Variants in NRG3 observed in about 807,000 individuals in gnomAD.
The protein encoded by NRG3 is pro-neuregulin-3, membrane-bound isoform.
NRG3 carries 31 observed loss-of-function variants against 66.9 expected under a neutral mutation model. The ratio of observed to expected loss-of-function variants is 0.46; its 90% CI spans 0.35 to 0.63. The LOEUF (loss-of-function observed/expected upper bound fraction) is 0.63, where lower values mean the gene tolerates loss of function less well. Among genes scored for constraint, NRG3 ranks in the 20% least tolerant of loss-of-function variants. NRG3 has a pLI of 0.00. For missense variants in NRG3, 910 were observed against 878.9 expected (o/e 1.04, Z -0.45); for synonymous variants, 393 against 359.4 (o/e 1.09, Z -1.06).
intron 1 of NRG3, among the ~76,000 whole-genome samples, chr10:82,187,041 T>A (rs942833563): frequency 1.3e-5 from 2 of 152,180 alleles, no homozygotes; most frequent in African/African-American, 4.8e-5. Context: ...ACCCAAAAAC[T>A]GGAGGAGACT....
chr10:82,656,725 C>T (rs2051890655), intron 2 of NRG3, among the ~76,000 whole-genome samples: 1 of 152,122 alleles, frequency 6.6e-6, no homozygotes, highest in East Asian at 1.9e-4. Context: ...GGTTGCTTCT[C>T]CATCAGCAGT....
At chr10:82,617,174 CACATACACAT>C (rs2048711436) in intron 2 of NRG3, among the ~76,000 whole-genome samples, 1 of 151,276 alleles carries the variant, frequency 6.6e-6, no homozygotes, top group Non-Finnish European at 1.5e-5. Context: ...CACACAGACA[CACATACACAT>C]ACACACACAC....
chr10:82,108,791 G>A (rs182305591), intron 1 of NRG3, among the ~76,000 whole-genome samples: 1 of 152,268 alleles, frequency 6.6e-6, no homozygotes, highest in East Asian at 1.9e-4. Flanking sequence ...CTTACAGAAG[G>A]TTTGCTTAGC....
chr10:82,218,365 A>C (rs1353928542), intron 1 of NRG3, among the ~76,000 whole-genome samples: 2 of 152,218 alleles, frequency 1.3e-5, no homozygotes, highest in Non-Finnish European at 1.5e-5. Context: ...CAGGGAACTA[A>C]AGGTTAAAAT....
chr10:82,428,871 A>G (rs1260029125), intron 2 of NRG3, among the ~76,000 whole-genome samples: 2 of 151,948 alleles, frequency 1.3e-5, no homozygotes, highest in African/African-American at 2.4e-5. Flanking sequence ...ATTTTCCCAC[A>G]TATATTTCAG....
chr10:81,911,066 T>G (rs1241297193), intron 1 of NRG3, among the ~76,000 whole-genome samples: 1 of 152,218 alleles, frequency 6.6e-6, no homozygotes, highest in Non-Finnish European at 1.5e-5. Context: ...CAGCAGATTT[T>G]TTTGTCTTTT....
At chr10:82,402,302 C>T (rs544474669) in intron 2 of NRG3, among the ~76,000 whole-genome samples, 1 of 152,216 alleles carries the variant, frequency 6.6e-6, no homozygotes, top group South Asian at 2.1e-4. Context: ...CCACAATATT[C>T]AGCCATGAAC....
chr10:82,404,786 G>A (rs1413080293), intron 2 of NRG3, among the ~76,000 whole-genome samples: 1 of 152,166 alleles, frequency 6.6e-6, no homozygotes, highest in Non-Finnish European at 1.5e-5. Context: ...GAACATGGTT[G>A]TAAACAGAAA....
At chr10:82,458,739 T>C (rs1020392384) in intron 2 of NRG3, among the ~76,000 whole-genome samples, 2 of 152,170 alleles carry the variant, frequency 1.3e-5, no homozygotes, top group African/African-American at 4.8e-5. Flanking sequence ...AGCATCAGTT[T>C]TCTAATCTGA....
At chr10:82,024,887 C>A (rs559989088) in intron 1 of NRG3, among the ~76,000 whole-genome samples, 43 of 152,116 alleles carry the variant, frequency 2.8e-4, no homozygotes, top group Non-Finnish European at 5.9e-4. Flanking sequence ...CCTCATTCCA[C>A]ATCATAATTT....
At chr10:82,010,890 G>C (rs954661554) in intron 1 of NRG3, among the ~76,000 whole-genome samples, 5 of 152,154 alleles carry the variant, frequency 3.3e-5, no homozygotes, top group African/African-American at 1.2e-4. Flanking sequence ...CTCAACTTCA[G>C]ATTGCAACCT....
intron 3 of NRG3, among the ~76,000 whole-genome samples, chr10:82,760,274 C>A (rs2135050843): frequency 6.6e-6 from 1 of 152,236 alleles, no homozygotes; most frequent in African/African-American, 2.4e-5. Flanking sequence ...AAAAGCACAT[C>A]TGGTCTCTAA....
intron 4 of NRG3, among the ~76,000 whole-genome samples, chr10:82,917,736 G>T (rs921426613): frequency 2.0e-5 from 3 of 151,862 alleles, no homozygotes; most frequent in Non-Finnish European, 4.4e-5. Context: ...GTCTCTTGCT[G>T]CCTAGAAGTC....
chr10:82,858,652 G>A (rs2135899622), intron 3 of NRG3, among the ~76,000 whole-genome samples: 1 of 152,232 alleles, frequency 6.6e-6, no homozygotes, highest in South Asian at 2.1e-4. Context: ...ATCTGTGGGT[G>A]GAATCTACAG....
intron 3 of NRG3, among the ~76,000 whole-genome samples, chr10:82,768,555 C>T (rs965481965): frequency 3.3e-5 from 5 of 152,068 alleles, no homozygotes; most frequent in Admixed American, 6.6e-5. Flanking sequence ...TAATAACCCA[C>T]CTAGCACCAA....
chr10:82,104,224 CA>C (rs2132153022), intron 1 of NRG3, among the ~76,000 whole-genome samples: 1 of 152,254 alleles, frequency 6.6e-6, no homozygotes, highest in East Asian at 1.9e-4. Flanking sequence ...AGGCTTATAG[CA>C]TTTTGGCCAC....
rs995040570 is a variant in NRG3, at chr10:82,329,208, T to C, written c.824-29531T>C. On this transcript the variant is annotated intron_variant, in intron 1 of 8. Coordinates refer to ENST00000372141, the MANE Select transcript of NRG3 (RefSeq NM_001010848.4). ...TGGCTTGTGCCAGGGTGCTACTTTA[T>C]TGAGGAGCTGTCAAACTTTTTAAAA... is the stretch of plus-strand genomic sequence containing the variant. Among the ~76,000 whole-genome samples, 4 of 152,324 alleles carry C rather than the reference T, an allele frequency of 2.6e-5. No individual in the cohort carries two copies. In the East Asian group the frequency reaches 7.7e-4, roughly 29 times the overall value.
intron 1 of NRG3, among the ~76,000 whole-genome samples, chr10:82,265,722 T>TA (rs914809902): frequency 1.2e-3 from 189 of 152,312 alleles, no homozygotes; most frequent in African/African-American, 4.1e-3. Flanking sequence ...AGCCTTATGT[T>TA]AAAATCAATG....
intron 1 of NRG3, among the ~76,000 whole-genome samples, chr10:82,133,895 T>C (rs774743134): frequency 3.9e-5 from 6 of 152,196 alleles, no homozygotes; most frequent in Admixed American, 1.3e-4. Context: ...TGTATTTGTG[T>C]TCCCTTTTCT....
Sources: allele counts gnomAD v4.1 joint callset (sites outside exome capture counted in the v4.1 genomes callset), GRCh38; gene constraint gnomAD v4.1.1; transcripts MANE v1.5; gene names NCBI Gene and HGNC (gene_info 2026-07-23, HGNC 2026-07-21).